KIF6: variants seen among roughly 807,000 people sequenced by gnomAD.
The protein encoded by KIF6 is kinesin-like protein KIF6.
In KIF6, 106 loss-of-function variants were observed where a neutral mutation model predicts 112.7. The ratio of observed to expected loss-of-function variants is 0.94; its 90% CI spans 0.80 to 1.11. The LOEUF is 1.11. KIF6 is among the 50% of genes least tolerant of loss of function. KIF6 has a pLI of 0.00. For synonymous variants in KIF6, 339 were observed against 339.9 expected (o/e 1.00, Z 0.03); for missense variants, 929 against 964.0 (o/e 0.96, Z 0.48).
At chr6:39,351,623 T>TCA (rs947296146) in intron 19 of KIF6, among the ~76,000 whole-genome samples, 5 of 151,126 alleles carry the variant, frequency 3.3e-5, no homozygotes, top group African/African-American at 9.7e-5. Context: ...TCTCTCTCTC[T>TCA]CACACACACA....
intron 15 of KIF6, among the ~76,000 whole-genome samples, chr6:39,414,891 T>TG (rs922785084): frequency 1.3e-5 from 2 of 151,446 alleles, no homozygotes; most frequent in African/African-American, 4.9e-5. Context: ...TGCAACTCAT[T>TG]GAAAAAAAAA....
intron 3 of KIF6, among the ~76,000 whole-genome samples, chr6:39,707,275 A>G (rs935501344): frequency 6.6e-6 from 1 of 152,212 alleles, no homozygotes; most frequent in Non-Finnish European, 1.5e-5. Context: ...TTTAAAACAC[A>G]TAGGGGTGGA....
chr6:39,383,892 G>C (rs1480047504), intron 16 of KIF6, among the ~76,000 whole-genome samples: 1 of 152,114 alleles, frequency 6.6e-6, no homozygotes, highest in Non-Finnish European at 1.5e-5. Flanking sequence ...TGCATTCCTA[G>C]GTATTTTAAT....
chr6:39,414,350 T>C (rs571918295), intron 15 of KIF6, among the ~76,000 whole-genome samples: 5 of 152,242 alleles, frequency 3.3e-5, no homozygotes, highest in Non-Finnish European at 7.3e-5. Context: ...TCAGTTGGAA[T>C]TGTATACAGC....
At chr6:39,652,667 T>C (rs1477813304) in intron 3 of KIF6, among the ~76,000 whole-genome samples, 2 of 152,234 alleles carry the variant, frequency 1.3e-5, no homozygotes, top group Non-Finnish European at 2.9e-5. Flanking sequence ...ATGTTTTTTT[T>C]CTTTTAGACA....
rs1762897788 is a variant in KIF6, at chr6:39,335,983, T to G, written c.*549A>C. 6.5e-6 allele frequency: 1 copy of G among 152,816 alleles called. No homozygotes were observed. Among genetic ancestry groups the G allele is most frequent in the Non-Finnish European group, 1.5e-5 (1 of 68,590 alleles). The allele number at this position is 152,816 out of a possible 1,614,324, so 9.5% of individuals were successfully genotyped here. ...GAGGCTGATGGTGAAAGATGTGGTC[T>G]GGGAGATCAGGATTGGCCTTCAGGA... On this transcript the variant is annotated 3_prime_UTR_variant, in exon 23 of 23. Transcript: ENST00000287152.
intron 14 of KIF6, among the ~76,000 whole-genome samples, chr6:39,426,257 A>G (rs1238313085): frequency 5.3e-5 from 8 of 152,196 alleles, no homozygotes; most frequent in Non-Finnish European, 2.9e-5. Context: ...CTCTGCTGAA[A>G]AATCTGGCTT....
At chr6:39,635,059 CT>C (rs1214364350) in intron 4 of KIF6, 101 bp from the exon 5 acceptor site, 2 of 687,724 alleles carry the variant, frequency 2.9e-6, no homozygotes, top group East Asian at 2.7e-5. Context: ...TAGTTTCTCT[CT>C]TTTTCTCTCA....
chr6:39,590,406 T>C (rs1460658042), intron 7 of KIF6, among the ~76,000 whole-genome samples: 1 of 144,904 alleles, frequency 6.9e-6, no homozygotes, highest in Non-Finnish European at 1.5e-5. Flanking sequence ...ATGATATATA[T>C]ATATGTGTGT....
intron 3 of KIF6, among the ~76,000 whole-genome samples, chr6:39,682,227 A>C (rs1041882073): frequency 6.6e-6 from 1 of 152,234 alleles, no homozygotes; most frequent in Non-Finnish European, 1.5e-5. Context: ...GAAATCCTTC[A>C]TTTGGAGATT....
chr6:39,578,022 T>C (rs1161437456), intron 10 of KIF6, 34 bp downstream of exon 10: 5 of 1,434,210 alleles, frequency 3.5e-6, no homozygotes, highest in Non-Finnish European at 4.9e-6. Flanking sequence ...ACTTTCACTG[T>C]TAAAGAAAAA....
At chr6:39,462,201 G>A (rs1432049305) in intron 13 of KIF6, among the ~76,000 whole-genome samples, 2 of 152,112 alleles carry the variant, frequency 1.3e-5, no homozygotes, top group Admixed American at 6.6e-5. Context: ...ACGTTTGGAG[G>A]GGTATTCTTG....
chr6:39,466,801 C>T (rs1773818142), intron 13 of KIF6, among the ~76,000 whole-genome samples: 3 of 152,182 alleles, frequency 2.0e-5, no homozygotes, highest in Non-Finnish European at 2.9e-5. Flanking sequence ...CACCCAGGCC[C>T]CTCTTTGTAA....
At chr6:39,692,856 G>C (rs1051983189) in intron 3 of KIF6, among the ~76,000 whole-genome samples, 1 of 151,998 alleles carries the variant, frequency 6.6e-6, no homozygotes, top group Non-Finnish European at 1.5e-5. Flanking sequence ...TTAGAGAAGA[G>C]TATACTGTAC....
chr6:39,562,676 C>T lies in KIF6; in HGVS notation c.1181+15380G>A, dbSNP rs142858027. 5.1e-3 allele frequency among the ~76,000 whole-genome samples: 777 copies of T among 152,194 alleles called. 6 individuals are homozygous for T. Among genetic ancestry groups the T allele is most frequent in the South Asian group, 0.013 (63 of 4,818 alleles). On this transcript the variant is annotated intron_variant, in intron 10 of 22. Transcript: ENST00000287152. ...CATCTAGTTAGCTGAATGTTATTTG[C>T]CTCATGAGGTTACTGGGAAAATTAT...
intron 3 of KIF6, among the ~76,000 whole-genome samples, chr6:39,655,945 C>G (rs1423584033): frequency 6.6e-6 from 1 of 152,164 alleles, no homozygotes. Context: ...TCAGTTTTGT[C>G]AAGTCTCAGT....
chr6:39,569,278 C>T (rs1050280913), intron 10 of KIF6, among the ~76,000 whole-genome samples: 1 of 152,150 alleles, frequency 6.6e-6, no homozygotes, highest in Non-Finnish European at 1.5e-5. Context: ...CTAATTTTCA[C>T]TAGGACTGTA....
At chr6:39,624,735 T>C (rs556254352) in intron 5 of KIF6, among the ~76,000 whole-genome samples, 1 of 152,234 alleles carries the variant, frequency 6.6e-6, no homozygotes, top group Non-Finnish European at 1.5e-5. Context: ...CATTAATTCA[T>C]GTCACTAAAA....
At chr6:39,467,672 C>T (rs904047946) in intron 13 of KIF6, among the ~76,000 whole-genome samples, 6 of 152,032 alleles carry the variant, frequency 3.9e-5, no homozygotes, top group Admixed American at 3.9e-4. Context: ...ATAAACAAGC[C>T]CCAGAAAAGG....
Sources: allele counts gnomAD v4.1 joint callset (sites outside exome capture counted in the v4.1 genomes callset), GRCh38; gene constraint gnomAD v4.1.1; transcripts MANE v1.5; gene names NCBI Gene and HGNC (gene_info 2026-07-23, HGNC 2026-07-21).